The following CSGALNACT1 variants were observed in gnomAD, a reference collection of about 807,000 sequenced individuals.
CSGALNACT1 encodes the protein chondroitin sulfate N-acetylgalactosaminyltransferase 1, also known as beta4GalNAcT-1.
In CSGALNACT1, 52 loss-of-function variants were observed where a neutral mutation model predicts 51.0. That is an observed-to-expected ratio of 1.02 (90% CI 0.82 to 1.29). CSGALNACT1 has a LOEUF of 1.29. CSGALNACT1 is among the 50% of genes most tolerant of loss of function. The probability of loss-of-function intolerance (pLI) is 0.00; values close to 1 mark genes in which losing one functional copy is unlikely to be tolerated. For missense variants in CSGALNACT1, 935 were observed against 679.2 expected (o/e 1.38, Z -4.19); for synonymous variants, 341 against 254.4 (o/e 1.34, Z -3.24).
chr8:19,605,195 A>G (rs1307904242), upstream of CSGALNACT1, among the ~76,000 whole-genome samples: 1 of 152,224 alleles, frequency 6.6e-6, no homozygotes, highest in East Asian at 1.9e-4. Flanking sequence ...GCTTTGCCCA[A>G]TTCAGACAGT....
intron 1 of CSGALNACT1, among the ~76,000 whole-genome samples, chr8:19,663,733 G>A (rs924889715): frequency 3.9e-5 from 6 of 152,314 alleles, no homozygotes; most frequent in South Asian, 2.1e-4. Flanking sequence ...TGAGGAAAAC[G>A]CAATACTACA....
intron 1 of CSGALNACT1, among the ~76,000 whole-genome samples, chr8:19,681,565 C>T (rs528424960): frequency 2.0e-5 from 3 of 152,254 alleles, no homozygotes; most frequent in South Asian, 4.1e-4. Context: ...AATCTGCAGG[C>T]GACATACTGC....
chr8:19,651,034 C>A (rs887114205), intron 1 of CSGALNACT1, among the ~76,000 whole-genome samples: 14 of 152,108 alleles, frequency 9.2e-5, no homozygotes, highest in Non-Finnish European at 7.4e-5. Context: ...GTGCGGTCTT[C>A]AGAAGTGAAC....
intron 6 of CSGALNACT1, among the ~76,000 whole-genome samples, chr8:19,422,432 C>G (rs1002701024): frequency 6.6e-6 from 1 of 152,180 alleles, no homozygotes; most frequent in African/African-American, 2.4e-5. Flanking sequence ...GTACTACTGC[C>G]TCGGCCTCCC....
chr8:19,535,278 G>A (rs540811963), intron 3 of CSGALNACT1, among the ~76,000 whole-genome samples: 28 of 152,104 alleles, frequency 1.8e-4, no homozygotes, highest in African/African-American at 6.0e-4. Context: ...AAATTTCAGC[G>A]TGTTCTTCTA....
intron 6 of CSGALNACT1, among the ~76,000 whole-genome samples, chr8:19,435,190 C>T (rs1256188754): frequency 2.6e-5 from 4 of 152,170 alleles, no homozygotes; most frequent in Non-Finnish European, 4.4e-5. Context: ...ATTCATCTAT[C>T]AGTTACATTA....
At chr8:19,506,771 G>A (rs2077414791) in intron 3 of CSGALNACT1, among the ~76,000 whole-genome samples, 1 of 152,178 alleles carries the variant, frequency 6.6e-6, no homozygotes, top group African/African-American at 2.4e-5. Flanking sequence ...TATAATGCCT[G>A]CTGACCGTCA....
intron 1 of CSGALNACT1, among the ~76,000 whole-genome samples, chr8:19,666,849 GAA>G (rs2059273903): frequency 9.5e-6 from 1 of 104,742 alleles, no homozygotes; most frequent in Admixed American, 9.3e-5. Flanking sequence ...AAGAAAGAAA[GAA>G]AGAAAGAAAG....
intron 4 of CSGALNACT1, among the ~76,000 whole-genome samples, chr8:19,487,469 A>G (rs575308613): frequency 2.0e-5 from 3 of 152,186 alleles, no homozygotes; most frequent in Admixed American, 2.0e-4. Context: ...CACCTACTGC[A>G]AAGGGCGAGA....
intron 8 of CSGALNACT1, among the ~76,000 whole-genome samples, chr8:19,416,865 C>CTTT (rs11374521): frequency 6.7e-6 from 1 of 149,182 alleles, no homozygotes; most frequent in Admixed American, 6.7e-5. Flanking sequence ...TGAAAACTCA[C>CTTT]TTTTTTTTTT....
chr8:19,576,069 T>C (rs1387818140), intron 3 of CSGALNACT1, among the ~76,000 whole-genome samples: 3 of 152,108 alleles, frequency 2.0e-5, no homozygotes, highest in African/African-American at 7.2e-5. Context: ...GTGGGTGCTG[T>C]CTGCTAGCCA....
chr8:19,513,466 T>TC, intron 3 of CSGALNACT1, among the ~76,000 whole-genome samples: 1 of 83,970 alleles, frequency 1.2e-5, no homozygotes, highest in Non-Finnish European at 2.8e-5. Flanking sequence ...ATATATATTT[T>TC]GTGCCATCTG....
intron 3 of CSGALNACT1, among the ~76,000 whole-genome samples, chr8:19,548,317 G>A (rs187287018): frequency 3.3e-4 from 50 of 152,274 alleles, no homozygotes; most frequent in African/African-American, 1.1e-3. Flanking sequence ...TAGACAGTAA[G>A]TGTGAATAAT....
intron 3 of CSGALNACT1, among the ~76,000 whole-genome samples, chr8:19,514,937 T>C (rs908046258): frequency 1.3e-5 from 2 of 152,152 alleles, no homozygotes; most frequent in Admixed American, 6.5e-5. Context: ...TTAAATAATA[T>C]TGTCTCACCC....
chr8:19,542,332 T>C (rs951123456), intron 3 of CSGALNACT1, among the ~76,000 whole-genome samples: 3 of 152,006 alleles, frequency 2.0e-5, no homozygotes, highest in Non-Finnish European at 4.4e-5. Flanking sequence ...CAGGACTGTG[T>C]CACTTAAGCC....
intron 1 of CSGALNACT1, among the ~76,000 whole-genome samples, chr8:19,631,973 GC>G (rs2055327826): frequency 6.6e-6 from 1 of 152,204 alleles, no homozygotes; most frequent in Non-Finnish European, 1.5e-5. Context: ...ATAGGAAGAA[GC>G]TTTTTGCTGT....
chr8:19,611,040 C>A (rs2154152655), intron 1 of CSGALNACT1, among the ~76,000 whole-genome samples: 1 of 152,336 alleles, frequency 6.6e-6, no homozygotes, highest in Admixed American at 6.5e-5. Context: ...GCCGCTCCCC[C>A]TGTCGCACGC....
At chr8:19,709,358 G>T (rs1173018575) in intron 1 of CSGALNACT1, among the ~76,000 whole-genome samples, 1 of 152,162 alleles carries the variant, frequency 6.6e-6, no homozygotes, top group East Asian at 1.9e-4. Context: ...TGCCTTCAAG[G>T]GGCTTATATT....
chr8:19,648,740 G>A (rs1437980130), intron 1 of CSGALNACT1, among the ~76,000 whole-genome samples: 2 of 152,204 alleles, frequency 1.3e-5, no homozygotes, highest in Non-Finnish European at 2.9e-5. Context: ...GAGCAACTGA[G>A]GGTATAGTGA....
Sources: allele counts gnomAD v4.1 joint callset (sites outside exome capture counted in the v4.1 genomes callset), GRCh38; gene constraint gnomAD v4.1.1; transcripts MANE v1.5; gene names NCBI Gene and HGNC (gene_info 2026-07-23, HGNC 2026-07-21).